FSD1L: variants seen among roughly 807,000 people sequenced by gnomAD.
FSD1L encodes FSD1-like protein.
FSD1L carries 45 observed loss-of-function variants against 71.6 expected under a neutral mutation model. The observed-to-expected ratio is 0.63, with a 90% CI of 0.49 to 0.81. The LOEUF is 0.81. Among genes scored for constraint, FSD1L ranks in the 30% least tolerant of loss-of-function variants. The pLI, the probability that FSD1L is intolerant of heterozygous loss-of-function variation, is 0.00. For synonymous variants in FSD1L, 197 were observed against 207.2 expected (o/e 0.95, Z 0.42); for missense variants, 561 against 618.1 (o/e 0.91, Z 0.98).
intron 5 of FSD1L, among the ~76,000 whole-genome samples, chr9:105,475,747 G>A (rs1276903843): frequency 1.3e-5 from 2 of 152,066 alleles, no homozygotes; most frequent in African/African-American, 4.8e-5. Context: ...AAACAGTTGC[G>A]GACAGTACTG....
intron 7 of FSD1L, among the ~76,000 whole-genome samples, chr9:105,493,952 C>T (rs1833150851): frequency 6.6e-6 from 1 of 152,178 alleles, no homozygotes; most frequent in East Asian, 1.9e-4. Context: ...TTCATTTCAA[C>T]CTTGGTGAAT....
chr9:105,479,460 TGTTA>T, intron 6 of FSD1L, 84 bp downstream of exon 6: 2 of 1,249,754 alleles, frequency 1.6e-6, no homozygotes, highest in African/African-American at 1.5e-5. Flanking sequence ...ATTAAAATTG[TGTTA>T]GTTAAGATAA....
chr9:105,513,705 A>G, intron 10 of FSD1L: 2 of 1,198,386 alleles, frequency 1.7e-6, no homozygotes, highest in Non-Finnish European at 2.3e-6. Context: ...CTTTAATTTT[A>G]TCTTTTAACC....
At chr9:105,527,823 CG>C (rs1835618148) in intron 10 of FSD1L, among the ~76,000 whole-genome samples, 1 of 152,020 alleles carries the variant, frequency 6.6e-6, no homozygotes, top group East Asian at 1.9e-4. Context: ...AGAAATAAAG[CG>C]TATTCAAATA....
At chr9:105,452,665 G>GCCTGCCTGCCTTCCTGCCTT (rs1830095598) in intron 1 of FSD1L, among the ~76,000 whole-genome samples, 1 of 85,850 alleles carries the variant, frequency 1.2e-5, no homozygotes, top group East Asian at 2.7e-4. Flanking sequence ...CTGCCTGCCT[G>GCCTGCCTGCCTTCCTGCCTT]CCTGCCTTCC....
chr9:105,512,518 C>A (rs1834453158), intron 9 of FSD1L, among the ~76,000 whole-genome samples: 1 of 152,068 alleles, frequency 6.6e-6, no homozygotes, highest in Non-Finnish European at 1.5e-5. Context: ...ACTGTGTACT[C>A]ATTGAGATTT....
chr9:105,474,451 C>T (rs1335012124), intron 5 of FSD1L, among the ~76,000 whole-genome samples: 1 of 152,166 alleles, frequency 6.6e-6, no homozygotes. Flanking sequence ...TTATTTTCTT[C>T]ATATGTCCAA....
intron 1 of FSD1L, among the ~76,000 whole-genome samples, chr9:105,458,245 G>T (rs1304108969): frequency 1.3e-5 from 2 of 152,178 alleles, no homozygotes; most frequent in Non-Finnish European, 2.9e-5. Context: ...GCCCTTAGAA[G>T]TGTTGCTACT....
intron 4 of FSD1L, among the ~76,000 whole-genome samples, 155 bp downstream of exon 4, chr9:105,468,479 G>C (rs1831218280): frequency 6.7e-6 from 1 of 150,328 alleles, no homozygotes; most frequent in African/African-American, 2.4e-5. Context: ...TAAAATTGTT[G>C]TTAAAAAAAC....
At position 105,551,455 on chromosome 9, in the gene FSD1L, G is replaced by A. The variant is rs1257184742; in HGVS notation, c.*4972G>A. The A allele has an allele frequency of 6.6e-6, 1 of 151,982 alleles. No homozygotes were observed. Among genetic ancestry groups the A allele is most frequent in the Non-Finnish European group, 1.5e-5 (1 of 67,956 alleles). 9.4% of individuals were successfully genotyped at this position (151,982 alleles called of 1,614,324 possible). A position where few individuals can be genotyped will look rare whatever the true frequency, so the allele number is the denominator to read the frequency against. On this transcript the variant is annotated 3_prime_UTR_variant, in exon 14 of 14. Coordinates refer to ENST00000481272, the MANE Select transcript of FSD1L (RefSeq NM_001145313.3). ...AGCCTGCCTCACAGGGCTGTTGTGA[G>A]GAAATAAAATGAAATGGAGTATGTG... is the stretch of plus-strand genomic sequence containing the variant.
intron 10 of FSD1L, chr9:105,520,430 T>G (rs1183422601): frequency 3.7e-6 from 4 of 1,072,884 alleles, no homozygotes; most frequent in Non-Finnish European, 5.8e-6. Flanking sequence ...TATGTGTTCT[T>G]TGAAAATTTT....
At chr9:105,469,390 G>A (rs1831290966) in intron 4 of FSD1L, among the ~76,000 whole-genome samples, 1 of 151,606 alleles carries the variant, frequency 6.6e-6, no homozygotes, top group African/African-American at 2.4e-5. Flanking sequence ...CCTACCAGCC[G>A]AAGTGTTCCA....
At chr9:105,445,694 C>G (rs141252324), upstream of FSD1L, among the ~76,000 whole-genome samples, 2 of 152,182 alleles carry the variant, frequency 1.3e-5, no homozygotes, top group African/African-American at 4.8e-5. Flanking sequence ...AATCGCCAGG[C>G]TATTTCTCCC....
intron 10 of FSD1L, among the ~76,000 whole-genome samples, chr9:105,527,309 A>G (rs1835574826): frequency 6.6e-6 from 1 of 150,806 alleles, no homozygotes; most frequent in Non-Finnish European, 1.5e-5. Flanking sequence ...TTCTTTTTTA[A>G]GCACCAAAAA....
chr9:105,456,795 T>G (rs1274726245), intron 1 of FSD1L, among the ~76,000 whole-genome samples: 2 of 152,248 alleles, frequency 1.3e-5, no homozygotes, highest in Non-Finnish European at 2.9e-5. Flanking sequence ...TCTAGCAGAA[T>G]TGGCATTTGT....
At chr9:105,522,519 G>A (rs936122019) in intron 10 of FSD1L, 38 of 1,613,556 alleles carry the variant, frequency 2.4e-5, no homozygotes, top group Middle Eastern at 1.7e-4. Context: ...AAAAACTGTC[G>A]ATATTGATGA....
chr9:105,495,752 A>G (rs188183501), intron 7 of FSD1L, among the ~76,000 whole-genome samples: 1,998 of 152,274 alleles, frequency 0.013, 43 homozygotes, highest in African/African-American at 0.045. Flanking sequence ...CGAGGCGGGC[A>G]GATCACAAGG....
At chr9:105,442,414 C>T in the FSD1L span, among the ~76,000 whole-genome samples, 6 of 152,002 alleles carry the variant, frequency 3.9e-5, no homozygotes, top group Non-Finnish European at 8.8e-5. Context: ...CACGGTGGCT[C>T]ACACCTGTAA....
At chr9:105,542,106 G>C (rs886414833) in intron 13 of FSD1L, among the ~76,000 whole-genome samples, 6 of 152,096 alleles carry the variant, frequency 3.9e-5, no homozygotes, top group Admixed American at 6.6e-5. Context: ...TTTTCCCTTG[G>C]GTAAATACCT....
Sources: gnomAD v4.1 joint callset for allele counts (sites outside exome capture counted in the v4.1 genomes callset) on GRCh38, gnomAD v4.1.1 for gene constraint, MANE v1.5 for transcripts, NCBI Gene and HGNC (gene_info 2026-07-23, HGNC 2026-07-21) for gene names.